The following ZNF74 variants were observed in gnomAD, a reference collection of about 807,000 sequenced individuals.
The protein encoded by ZNF74 is zinc finger protein 520.
In ZNF74, 12 loss-of-function variants were observed where a neutral mutation model predicts 17.7. The ratio of observed to expected loss-of-function variants is 0.68; its 90% CI spans 0.43 to 1.10. ZNF74 has a LOEUF of 1.10. ZNF74 is among the 50% of genes least tolerant of loss of function. ZNF74 has a pLI of 0.00. For missense variants in ZNF74, 811 were observed against 881.0 expected (o/e 0.92, Z 1.01); for synonymous variants, 358 against 362.1 (o/e 0.99, Z 0.13).
Position 20,401,353 on chromosome 22 carries a change from C to G in ZNF74, c.324C>G (p.Val108=). ...GEEPWSMQRE[V]PRGPCPEWEL... is the part of the protein sequence containing the mutation. ...AGCCATGGAGCATGCAGAGGGAAGT[C>G]CCCAGAGGGCCCTGTCCAGGTGAGC... is the stretch of plus-strand genomic sequence containing the variant. The change falls in exon 4 of 5, where the codon GTC becomes GTG. Residue 108 remains valine, a synonymous_variant. Transcript: ENST00000400451. This position sits in a 1 kb window ranked among gnomAD's most constrained non-coding sequence, Gnocchi z 4.2. 1 of 1,607,144 alleles carries G rather than the reference C, an allele frequency of 6.2e-7. No individual in the cohort carries two copies. The highest frequency in any genetic ancestry group is 8.5e-7 in the Non-Finnish European group (1 of 1,176,522).
At chr22:20,397,081 C>CTT (rs770383844) in intron 2 of ZNF74, among the ~76,000 whole-genome samples, 1 of 146,122 alleles carries the variant, frequency 6.8e-6, no homozygotes. Context: ...CTTTCTTTTT[C>CTT]TTTTTTTTTT....
Position 20,394,272 on chromosome 22 carries a change from C to T in ZNF74, c.-357C>T, listed in dbSNP as rs922634988. On this transcript the variant is annotated 5_prime_UTR_variant, in exon 1 of 5. Transcript: ENST00000400451. ...TCCGCTTCGGGACCTGTCCGCTGGTCGCTCCGCGTCCGATGGCTCCTGGCC... is the reference window on the plus strand; with the variant it reads ...TCCGCTTCGGGACCTGTCCGCTGGTTGCTCCGCGTCCGATGGCTCCTGGCC... 10 of 706,454 alleles carry T rather than the reference C, an allele frequency of 1.4e-5. No individual in the cohort carries two copies. The highest frequency in any genetic ancestry group is 2.5e-4 in the Middle Eastern group (1 of 3,990). The allele number at this position is 706,454 out of a possible 1,614,324, so 43.8% of individuals were successfully genotyped here.
Position 20,400,660 on chromosome 22 carries a change from T to C in ZNF74, c.149T>C (p.Val50Ala). 2 of 1,613,952 alleles carry C rather than the reference T, an allele frequency of 1.2e-6. No individual in the cohort carries two copies. Among genetic ancestry groups the C allele is most frequent in the Non-Finnish European group, 1.7e-6 (2 of 1,179,994 alleles). The change falls in exon 3 of 5, where the codon GTG becomes GCG. Residue 50 changes from valine (V) to alanine (A), a missense_variant. This residue lies in a region of ZNF74 where 666 missense variants were observed against 702.3 expected (regional missense o/e 0.95). Transcript: ENST00000400451. The part of the protein sequence containing the change: ...KESVSFKDVA[V>A]DFTQEEWGQL... ...TCGGTGAGTTTCAAGGATGTGGCTG[T>C]GGACTTCACCCAGGAGGAGTGGGGT... is the stretch of plus-strand genomic sequence containing the variant.
rs537376339 is a variant in ZNF74 at position 20,406,962 on chromosome 22, A to C, written c.1929A>C (p.Arg643=). ...GRNFSLGSKP[R]N ...ATTTCTCCCTGGGGAGCAAACCTCG[A>C]AACTAACATGATGTGCTTTGGTGTC... Residue 643 remains arginine, a synonymous_variant, in exon 5 of 5, where the codon CGA becomes CGC. Coordinates refer to ENST00000400451, the MANE Select transcript of ZNF74 (RefSeq NM_003426.4). 3.1e-6 allele frequency: 5 copies of C among 1,611,258 alleles called. No individual in the cohort carries two copies. In the South Asian group the frequency reaches 4.4e-5, roughly 14 times the overall value.
chr22:20,396,663 A>G (rs2052297487), intron 2 of ZNF74, among the ~76,000 whole-genome samples: 1 of 151,982 alleles, frequency 6.6e-6, no homozygotes, highest in South Asian at 2.1e-4. Flanking sequence ...CCTATTCCTA[A>G]AATATTAGCT....
At position 20,406,394 on chromosome 22, in the gene ZNF74, G is replaced by C. The variant is rs1306086065; in HGVS notation, c.1361G>C (p.Ser454Thr). The C allele has an allele frequency of 6.2e-7, 1 of 1,613,532 alleles. No homozygotes were observed. Among genetic ancestry groups the C allele is most frequent in the Non-Finnish European group, 8.5e-7 (1 of 1,179,928 alleles). ...FKCADCGKGFSCHAYLLVHRR... is the reference protein window; with the variant it reads ...FKCADCGKGFTCHAYLLVHRR... ...TGCGCCGACTGCGGGAAGGGCTTCA[G>C]CTGCCACGCGTACCTGCTCGTGCAC... The change falls in exon 5 of 5, where the codon AGC (serine) becomes ACC (threonine). Residue 454 changes from serine to threonine, a missense_variant. Coordinates refer to ENST00000400451, the MANE Select transcript of ZNF74 (RefSeq NM_003426.4).
intron 2 of ZNF74, 142 bp from the exon 3 acceptor site, chr22:20,400,490 G>T: frequency 1.0e-6 from 1 of 966,942 alleles, no homozygotes. Flanking sequence ...GTCATGGTCA[G>T]TGTCTACAGC....
intron 1 of ZNF74, 92 bp downstream of exon 1, chr22:20,394,754 C>T: frequency 1.6e-6 from 2 of 1,251,020 alleles, no homozygotes; most frequent in Non-Finnish European, 1.1e-6. Context: ...CCAGAAGCAT[C>T]CAGCATCTTT....
rs764032669 is a variant in ZNF74 at position 20,394,352 on chromosome 22, T to C, written c.-277T>C. ...GAGCGCGGGTTCGCCGGGAGGAGCG[T>C]GTGGCGGGGGTGTGCCGGGGCGTGA... On this transcript the variant is annotated 5_prime_UTR_variant, in exon 1 of 5. Coordinates refer to ENST00000400451, the MANE Select transcript of ZNF74 (RefSeq NM_003426.4). 101 of 690,138 alleles carry C rather than the reference T, an allele frequency of 1.5e-4. No homozygotes were observed. Among genetic ancestry groups the C allele is most frequent in the Non-Finnish European group, 2.5e-4 (95 of 374,282 alleles). The allele number at this position is 690,138 out of a possible 1,614,324, so 42.8% of individuals were successfully genotyped here.
Position 20,394,274 on chromosome 22 carries a change from C to T in ZNF74, c.-355C>T. The T allele has an allele frequency of 1.4e-6, 1 of 706,984 alleles. No individual in the cohort carries two copies. Among genetic ancestry groups the T allele is most frequent in the Non-Finnish European group, 2.6e-6 (1 of 381,896 alleles). 43.8% of individuals were successfully genotyped at this position (706,984 alleles called of 1,614,324 possible). A position where few individuals can be genotyped will look rare whatever the true frequency, so the allele number is the denominator to read the frequency against. On this transcript the variant is annotated 5_prime_UTR_variant, in exon 1 of 5. Transcript: ENST00000400451. ...CGCTTCGGGACCTGTCCGCTGGTCG[C>T]TCCGCGTCCGATGGCTCCTGGCCGC...
intron 3 of ZNF74, chr22:20,401,000 G>A (rs2052351031): frequency 1.7e-6 from 1 of 599,644 alleles, no homozygotes; most frequent in Non-Finnish European, 2.9e-6. Context: ...GATAGGGGCA[G>A]GGAGAGAAGA....
At position 20,406,337 on chromosome 22, in the gene ZNF74, A is replaced by G. The variant is rs1290246832; in HGVS notation, c.1304A>G (p.Gln435Arg). 6.2e-7 allele frequency: 1 copy of G among 1,611,386 alleles called. No individual in the cohort carries two copies. Residue 435 changes from glutamine (Q) to arginine (R), a missense_variant, in exon 5 of 5, where the codon CAG (glutamine) becomes CGG (arginine). Physicochemically the swap from Gln to Arg is conservative, Grantham distance 43. Transcript: ENST00000400451. ...AGCCGCTCGCGCCTCACCCTCCACC[A>G]GAGGACGCACACGGGCGAGAAGCCC... Reference protein sequence around the residue: ...FNSRSRLTLHQRTHTGEKPFK... With the variant: ...FNSRSRLTLHRRTHTGEKPFK...
chr22:20,402,293 C>A (rs2052367602), intron 4 of ZNF74, among the ~76,000 whole-genome samples: 3 of 152,194 alleles, frequency 2.0e-5, no homozygotes, highest in Admixed American at 2.0e-4. Context: ...TTATTTCTCA[C>A]CCCAGCCTCT....
At chr22:20,396,643 A>G (rs1262919316) in intron 2 of ZNF74, among the ~76,000 whole-genome samples, 1 of 152,128 alleles carries the variant, frequency 6.6e-6, no homozygotes, top group African/African-American at 2.4e-5. Context: ...GCCCTCATGC[A>G]TGTGTTATTC....
chr22:20,403,400 T>C (rs1463716405), intron 4 of ZNF74, among the ~76,000 whole-genome samples: 1 of 151,536 alleles, frequency 6.6e-6, no homozygotes, highest in Non-Finnish European at 1.5e-5. Context: ...CTCTCCCCCA[T>C]TTCCTCTCTT....
chr22:20,396,272 T>TA (rs2052292786), intron 2 of ZNF74, among the ~76,000 whole-genome samples: 1 of 152,056 alleles, frequency 6.6e-6, no homozygotes, highest in Non-Finnish European at 1.5e-5. Context: ...TTGTGAGCTG[T>TA]GCCTCACTTC....
Position 20,401,122 on chromosome 22 carries a change from A to G in ZNF74, c.248-155A>G. 1.6e-6 allele frequency: 1 copy of G among 614,394 alleles called. No homozygotes were observed. The highest frequency in any genetic ancestry group is 2.8e-5 in the East Asian group (1 of 36,060). The allele number at this position is 614,394 out of a possible 1,614,324, so 38.1% of individuals were successfully genotyped here. A position where few individuals can be genotyped will look rare whatever the true frequency, so the allele number is the denominator to read the frequency against. ...GAGTATACACTGGGATTTGGGTTCC[A>G]GTCTGAGACCCTCACTGCTTTTGGC... On this transcript the variant is annotated intron_variant, in intron 3 of 4. Transcript: ENST00000400451. The surrounding 1 kb of genome is among the most constrained non-coding windows in gnomAD (Gnocchi z 4.2).
In ZNF74 at chr22:20,406,404, G is replaced by GACT. The variant is rs1569097083; in HGVS notation, c.1371_1372insACT (p.Ala457_Tyr458insThr). On this transcript the variant is annotated inframe_insertion, in exon 5 of 5. Transcript: ENST00000400451. ...GCGGGAAGGGCTTCAGCTGCCACGC[G>GACT]TACCTGCTCGTGCACCGGCGCATCC... is the stretch of plus-strand genomic sequence containing the variant. 1 of 1,613,186 alleles carries GACT rather than the reference G, an allele frequency of 6.2e-7. No homozygotes were observed. The highest frequency in any genetic ancestry group is 8.5e-7 in the Non-Finnish European group (1 of 1,179,820).
At chr22:20,402,996 A>G (rs960042081) in intron 4 of ZNF74, among the ~76,000 whole-genome samples, 2 of 152,030 alleles carry the variant, frequency 1.3e-5, no homozygotes, top group Admixed American at 6.6e-5. Flanking sequence ...ATAAAGCCTT[A>G]TGCACCCTCG....
Sources: gnomAD v4.1 joint callset for allele counts (sites outside exome capture counted in the v4.1 genomes callset) on GRCh38, gnomAD v4.1.1 for gene constraint, gnomAD v4.1.1 regional missense constraint, Gnocchi (gnomAD v3.1) non-coding constraint, MANE v1.5 for transcripts, NCBI Gene and HGNC (gene_info 2026-07-23, HGNC 2026-07-21) for gene names.